The following NPAT variants were observed in gnomAD, a reference collection of about 807,000 sequenced individuals.
The protein encoded by NPAT is nuclear protein, coactivator of histone transcription.
A neutral mutation model predicts 130.7 loss-of-function variants in NPAT; 52 were observed. The ratio of observed to expected loss-of-function variants is 0.40; its 90% confidence interval spans 0.32 to 0.50. NPAT has a LOEUF of 0.50. Ranked by LOEUF, NPAT falls within the 20% of genes least tolerant of loss-of-function variation. The pLI, the probability that NPAT is intolerant of heterozygous loss-of-function variation, is 0.68. For missense variants in NPAT, 1,687 were observed against 1,662.6 expected, an observed-to-expected ratio of 1.01 and a Z score of -0.26; for synonymous variants, 580 against 584.8, an observed-to-expected ratio of 0.99 and a Z score of 0.12.
intron 12 of NPAT, among the ~76,000 whole-genome samples, chr11:108,174,882 T>C (rs1381690065): frequency 1.3e-5 from 2 of 152,024 alleles, no homozygotes; most frequent in African/African-American, 4.8e-5. Context: ...GCCTCCCAAA[T>C]TGCTGGGATT....
chr11:108,172,731 G>A lies in NPAT; in HGVS notation c.2253C>T (p.Ser751=). 1 of 1,613,408 alleles carries A rather than the reference G, an allele frequency of 6.2e-7. No homozygotes were observed. The highest frequency in any genetic ancestry group is 8.5e-7 in the Non-Finnish European group (1 of 1,180,000). Residue 751 remains serine (S), a synonymous_variant, in exon 13 of 18, where the codon TCC becomes TCT. Transcript: ENST00000278612. ...KVIISDDPFV[S]SDTELTSAVS... ...CAGCACTGGTAAGTTCAGTATCTGA[G>A]GAAACAAATGGATCATCACTAATGA...
At chr11:108,220,736 T>G (rs538798552) in intron 1 of NPAT, among the ~76,000 whole-genome samples, 1 of 152,220 alleles carries the variant, frequency 6.6e-6, no homozygotes, top group Non-Finnish European at 1.5e-5. Context: ...CTTTTTTGTA[T>G]TGTATACTCC....
chr11:108,199,570 T>C (rs1299857757), intron 1 of NPAT, among the ~76,000 whole-genome samples: 1 of 152,118 alleles, frequency 6.6e-6, no homozygotes, highest in East Asian at 1.9e-4. Flanking sequence ...ACATTTTTTT[T>C]CCAAAAACGG....
chr11:108,189,350 A>G lies in NPAT; in HGVS notation c.332-20T>C. 1 of 1,611,472 alleles carries G rather than the reference A, an allele frequency of 6.2e-7. No homozygotes were observed. ...TTCGGGCTGAAACATATAAGCATTT[A>G]AAAAACAAATTCAACGTCAGGGTAG... On this transcript the variant is annotated intron_variant, in intron 5 of 17. Coordinates refer to ENST00000278612, the MANE Select transcript of NPAT (RefSeq NM_002519.3).
At chr11:108,209,197 G>A (rs1031119244) in intron 1 of NPAT, among the ~76,000 whole-genome samples, 13 of 151,940 alleles carry the variant, frequency 8.6e-5, no homozygotes, top group African/African-American at 2.7e-4. Flanking sequence ...GGAGAACTGC[G>A]TGATCCTGAG....
Position 108,186,273 on chromosome 11 carries a change from T to C in NPAT, c.726+209A>G, listed in dbSNP as rs529871503. Among the ~76,000 whole-genome samples the C allele has an allele frequency of 9.8e-5, 15 of 152,286 alleles. No individual in the cohort carries two copies. In the South Asian group the frequency reaches 1.5e-3, roughly 15 times the overall value. Reference sequence around the variant, plus strand: ...CTCAAGCAATCTGCCCACCTCAGCTTCCCAAAGTGCTGGGATTACAGGTGT... The same window carrying C: ...CTCAAGCAATCTGCCCACCTCAGCTCCCCAAAGTGCTGGGATTACAGGTGT... On this transcript the variant is annotated intron_variant, in intron 8 of 17. Transcript: ENST00000278612.
At chr11:108,167,599 G>A (rs536341947) in intron 15 of NPAT, among the ~76,000 whole-genome samples, 1 of 152,070 alleles carries the variant, frequency 6.6e-6, no homozygotes, top group Non-Finnish European at 1.5e-5. Context: ...GATGTCAGTG[G>A]GGCAAAAAAC....
At position 108,173,100 on chromosome 11, in the gene NPAT, C is replaced by T. The variant is rs117448150; in HGVS notation, c.1884G>A (p.Ser628=). The T allele has an allele frequency of 3.4e-5, 55 of 1,613,946 alleles. 1 individual carries two copies. In the East Asian group the frequency reaches 1.1e-3, roughly 31 times the overall value. ...TAGATGGTTGTTTAGTAGAAGACAGCGAATCTCCAAGATGAATTTCTACTT... is the reference window on the plus strand; with the variant it reads ...TAGATGGTTGTTTAGTAGAAGACAGTGAATCTCCAAGATGAATTTCTACTT... The part of the protein sequence containing the change: ...SGQVEIHLGD[S]LSSTKQPSND... Residue 628 remains serine, a synonymous_variant, in exon 13 of 18, where the codon TCG becomes TCA. Transcript: ENST00000278612.
At chr11:108,166,348 T>C (rs1264333572) in intron 15 of NPAT, among the ~76,000 whole-genome samples, 1 of 152,098 alleles carries the variant, frequency 6.6e-6, no homozygotes, top group Non-Finnish European at 1.5e-5. Context: ...GCTGAGATCA[T>C]GCCACTGCAT....
At chr11:108,208,600 AAG>A (rs577236782) in intron 1 of NPAT, 23 of 339,568 alleles carry the variant, frequency 6.8e-5, no homozygotes, top group African/African-American at 8.8e-5. Context: ...AAAAAAAAAA[AAG>A]AGAGAGAGAG....
At chr11:108,218,047 C>G (rs2078450029) in intron 1 of NPAT, among the ~76,000 whole-genome samples, 1 of 152,146 alleles carries the variant, frequency 6.6e-6, no homozygotes, top group South Asian at 2.1e-4. Flanking sequence ...CATCTCTTAT[C>G]AGTATAATAC....
At position 108,198,754 on chromosome 11, in the gene NPAT, A is replaced by T. The variant is rs1052173696; in HGVS notation, c.38-1334T>A. On this transcript the variant is annotated intron_variant, in intron 1 of 17. Coordinates refer to ENST00000278612, the MANE Select transcript of NPAT (RefSeq NM_002519.3). ...TCAGACTCAACCACACATGGGGACT[A>T]CCTGCCTTTGGAATCCCCTCTCACA... 2.6e-5 allele frequency among the ~76,000 whole-genome samples: 4 copies of T among 152,148 alleles called. No individual in the cohort carries two copies. In the South Asian group the frequency reaches 6.2e-4, roughly 24 times the overall value.
At chr11:108,185,210 T>C in intron 10 of NPAT, 22 bp downstream of exon 10, 2 of 1,545,730 alleles carry the variant, frequency 1.3e-6, no homozygotes, top group Non-Finnish European at 1.8e-6. Flanking sequence ...CACGCACCCA[T>C]GCACACCCCA....
At chr11:108,192,399 T>C (rs1036477254) in intron 3 of NPAT, among the ~76,000 whole-genome samples, 9 of 152,186 alleles carry the variant, frequency 5.9e-5, no homozygotes, top group African/African-American at 1.7e-4. Context: ...ACAATATGAG[T>C]AGAAATGGAC....
intron 13 of NPAT, chr11:108,170,323 A>AT (rs1388615716): frequency 2.5e-6 from 1 of 393,950 alleles, no homozygotes; most frequent in Non-Finnish European, 4.8e-6. Flanking sequence ...CTGATCAAGC[A>AT]TAAGACTCTA....
chr11:108,180,189 T>C (rs931606365), intron 10 of NPAT, among the ~76,000 whole-genome samples: 9 of 152,026 alleles, frequency 5.9e-5, no homozygotes, highest in African/African-American at 1.9e-4. Context: ...TAGCCAGGCA[T>C]GGTGACACAC....
At chr11:108,208,520 C>T (rs554101208) in intron 1 of NPAT, 20 of 452,408 alleles carry the variant, frequency 4.4e-5, no homozygotes, top group African/African-American at 2.8e-4. Context: ...CCCAGGAGGT[C>T]GAGGCTGCAG....
At chr11:108,168,363 AG>A (rs2077919636) in intron 15 of NPAT, among the ~76,000 whole-genome samples, 1 of 152,360 alleles carries the variant, frequency 6.6e-6, no homozygotes, top group Admixed American at 6.5e-5. Flanking sequence ...GGCCATTAAA[AG>A]GAATGAACTA....
intron 1 of NPAT, among the ~76,000 whole-genome samples, chr11:108,214,548 C>A (rs751465463): frequency 6.6e-6 from 1 of 151,884 alleles, no homozygotes; most frequent in African/African-American, 2.4e-5. Context: ...CCATAAATAT[C>A]CTGGATTTTC....
Sources: allele counts gnomAD v4.1 joint callset (sites outside exome capture counted in the v4.1 genomes callset), GRCh38; gene constraint gnomAD v4.1.1; transcripts MANE v1.5; gene names NCBI Gene and HGNC (gene_info 2026-07-23, HGNC 2026-07-21).